Variants in POFUT3 observed in about 807,000 individuals in gnomAD.
The protein encoded by POFUT3 is protein O-fucosyltransferase 3.
chr8:33,456,597 C>T, the POFUT3 span, among the ~76,000 whole-genome samples: 3 of 151,564 alleles, frequency 2.0e-5, no homozygotes, highest in Non-Finnish European at 4.4e-5. Context: ...GTATTACCTT[C>T]GGATATCACT....
At chr8:33,421,638 G>A in the POFUT3 span, among the ~76,000 whole-genome samples, 2 of 152,136 alleles carry the variant, frequency 1.3e-5, no homozygotes, top group East Asian at 1.9e-4. Flanking sequence ...TACATGCCTC[G>A]AATCAAATGC....
At chr8:33,460,189 A>G in the POFUT3 span, among the ~76,000 whole-genome samples, 1 of 23,796 alleles carries the variant, frequency 4.2e-5, no homozygotes, top group African/African-American at 1.5e-4. Flanking sequence ...ACTCCACCTC[A>G]AAAAAAAAAA....
At chr8:33,466,569 T>C in the POFUT3 span, among the ~76,000 whole-genome samples, 9 of 152,078 alleles carry the variant, frequency 5.9e-5, no homozygotes, top group African/African-American at 2.2e-4. Context: ...ATAGTAGTAT[T>C]GTGACTTAGA....
the POFUT3 span, among the ~76,000 whole-genome samples, chr8:33,464,057 A>T: frequency 3.3e-5 from 5 of 152,168 alleles, no homozygotes; most frequent in East Asian, 5.8e-4. Context: ...TCACTTTCCA[A>T]AAGTAGATCC....
the POFUT3 span, among the ~76,000 whole-genome samples, chr8:33,434,750 C>T: frequency 6.6e-6 from 1 of 152,028 alleles, no homozygotes; most frequent in Non-Finnish European, 1.5e-5. Context: ...CTCCCTAGAG[C>T]GAGGCTCACT....
At chr8:33,415,825 A>G in the POFUT3 span, among the ~76,000 whole-genome samples, 1 of 152,324 alleles carries the variant, frequency 6.6e-6, no homozygotes, top group East Asian at 1.9e-4. Context: ...AACTGTACTA[A>G]TATTTAATGG....
At chr8:33,322,011 C>T in the POFUT3 span, among the ~76,000 whole-genome samples, 2 of 152,038 alleles carry the variant, frequency 1.3e-5, no homozygotes, top group Non-Finnish European at 2.9e-5. Context: ...TGCTTAATAC[C>T]CAGCATAGTA....
At chr8:33,313,742 A>G in the POFUT3 span, among the ~76,000 whole-genome samples, 1 of 152,288 alleles carries the variant, frequency 6.6e-6, no homozygotes, top group East Asian at 1.9e-4. Flanking sequence ...ATTATCCTGA[A>G]TATAAACTCC....
chr8:33,317,139 T>A, the POFUT3 span, among the ~76,000 whole-genome samples: 2 of 152,100 alleles, frequency 1.3e-5, no homozygotes, highest in African/African-American at 4.8e-5. Flanking sequence ...AGTAAGAAAG[T>A]AATAATAGCT....
the POFUT3 span, among the ~76,000 whole-genome samples, chr8:33,357,268 G>A: frequency 1.3e-5 from 2 of 151,888 alleles, no homozygotes; most frequent in African/African-American, 4.8e-5. Flanking sequence ...TGGGCAGTAT[G>A]GTCATTTTCA....
the POFUT3 span, among the ~76,000 whole-genome samples, chr8:33,355,194 T>G: frequency 0.028 from 4,280 of 152,278 alleles, 161 homozygotes; most frequent in African/African-American, 0.088. Context: ...GTTTAATACA[T>G]GCCAACCAGA....
chr8:33,316,572 AAAAG>A, the POFUT3 span, among the ~76,000 whole-genome samples: 10 of 130,596 alleles, frequency 7.7e-5, no homozygotes, highest in Admixed American at 2.2e-4. Flanking sequence ...ACTACAAAAA[AAAAG>A]AAAGAAAGAA....
the POFUT3 span, among the ~76,000 whole-genome samples, chr8:33,399,652 T>C: frequency 7.1e-6 from 1 of 140,722 alleles, no homozygotes; most frequent in African/African-American, 2.6e-5. Context: ...TAGTCATCTT[T>C]TATTTATTTG....
chr8:33,467,105 C>CA, the POFUT3 span, among the ~76,000 whole-genome samples: 4,791 of 149,624 alleles, frequency 0.032, 198 homozygotes, highest in African/African-American at 0.096. Flanking sequence ...GACTCTGTCT[C>CA]AAAAAAAACA....
chr8:33,383,577 T>C, the POFUT3 span, among the ~76,000 whole-genome samples: 3 of 152,052 alleles, frequency 2.0e-5, no homozygotes, highest in Non-Finnish European at 4.4e-5. Context: ...GGTTGGAGGA[T>C]CACTTGAAGT....
At chr8:33,343,965 A>C in the POFUT3 span, among the ~76,000 whole-genome samples, 3 of 151,816 alleles carry the variant, frequency 2.0e-5, no homozygotes, top group African/African-American at 4.8e-5. Flanking sequence ...GGACCTCCAA[A>C]CCCCCACTTC....
the POFUT3 span, among the ~76,000 whole-genome samples, chr8:33,407,393 C>T: frequency 3.3e-5 from 5 of 152,058 alleles, no homozygotes; most frequent in South Asian, 2.1e-4. Context: ...TCAAGCAACT[C>T]GAAATCATAA....
the POFUT3 span, chr8:33,389,497 G>C: frequency 1.2e-6 from 2 of 1,614,190 alleles, no homozygotes; most frequent in Non-Finnish European, 1.7e-6. Flanking sequence ...AGCTGTCCCT[G>C]TCTGATGGTG....
At chr8:33,389,593 T>A in the POFUT3 span, 18 of 1,614,160 alleles carry the variant, frequency 1.1e-5, 1 homozygote, top group Middle Eastern at 3.0e-3. Context: ...GGTATCGGAG[T>A]GACTTCAGGA....
Sources: gnomAD v4.1 joint callset for allele counts (sites outside exome capture counted in the v4.1 genomes callset) on GRCh38, gnomAD v4.1.1 for gene constraint, MANE v1.5 for transcripts, NCBI Gene and HGNC (gene_info 2026-07-23, HGNC 2026-07-21) for gene names.